Variants in PI4KA observed in about 807,000 individuals in gnomAD.
The protein encoded by PI4KA is PI4-kinase alpha.
Under a neutral mutation model 271.4 loss-of-function variants are expected in PI4KA, and 122 were observed. The ratio of observed to expected loss-of-function variants is 0.45; its 90% CI spans 0.39 to 0.52. PI4KA has a LOEUF of 0.52. Among genes scored for constraint, PI4KA ranks in the 20% least tolerant of loss-of-function variants. The probability of loss-of-function intolerance (pLI) is 0.00; values close to 1 mark genes in which losing one functional copy is unlikely to be tolerated. For synonymous variants in PI4KA, 1,041 were observed against 1,078.8 expected (o/e 0.96, Z 0.69); for missense variants, 1,969 against 2,769.1 (o/e 0.71, Z 6.48).
At chr22:20,728,639 A>T (rs1927646610) in intron 39 of PI4KA, among the ~76,000 whole-genome samples, 1 of 152,208 alleles carries the variant, frequency 6.6e-6, no homozygotes, top group Non-Finnish European at 1.5e-5. Flanking sequence ...ATGTCCCATG[A>T]GCACTGTGCT....
chr22:20,784,120 G>A (rs1934014957), intron 19 of PI4KA: 3 of 1,614,188 alleles, frequency 1.9e-6, no homozygotes, highest in African/African-American at 2.7e-5. Context: ...ACATCCTCCA[G>A]CTGGAATACG....
At chr22:20,812,561 G>C (rs1221798015) in intron 8 of PI4KA, among the ~76,000 whole-genome samples, 1 of 152,004 alleles carries the variant, frequency 6.6e-6, no homozygotes, top group African/African-American at 2.4e-5. Context: ...TCTTTATTTT[G>C]TAATTTTTTT....
chr22:20,842,261 T>G (rs1296479501), intron 1 of PI4KA, among the ~76,000 whole-genome samples: 1 of 151,800 alleles, frequency 6.6e-6, no homozygotes, highest in Non-Finnish European at 1.5e-5. Flanking sequence ...TGAAAAAGGC[T>G]TGGAAATGAG....
chr22:20,854,722 G>C (rs938798902), intron 1 of PI4KA, among the ~76,000 whole-genome samples: 6 of 151,818 alleles, frequency 4.0e-5, no homozygotes, highest in African/African-American at 1.5e-4. Context: ...AGAAAGAAGA[G>C]AAAAAAATAG....
intron 36 of PI4KA, among the ~76,000 whole-genome samples, chr22:20,732,559 A>G (rs1011308574): frequency 1.3e-5 from 2 of 152,194 alleles, no homozygotes; most frequent in African/African-American, 4.8e-5. Context: ...GTCCCCGAGG[A>G]GTGCTCCCAT....
At chr22:20,761,744 C>A (rs1043943839) in intron 22 of PI4KA, among the ~76,000 whole-genome samples, 21 of 151,774 alleles carry the variant, frequency 1.4e-4, no homozygotes, top group Non-Finnish European at 2.6e-4. Context: ...AGCCACCAAA[C>A]GAGAGGCAGC....
intron 23 of PI4KA, among the ~76,000 whole-genome samples, chr22:20,754,544 A>ATG (rs1931063836): frequency 6.6e-6 from 1 of 152,250 alleles, no homozygotes; most frequent in Admixed American, 6.5e-5. Context: ...TGCAGAGATC[A>ATG]TGTCTTTTAA....
chr22:20,749,766 A>C, intron 28 of PI4KA, 139 bp downstream of exon 28: 1 of 637,898 alleles, frequency 1.6e-6, no homozygotes, highest in Non-Finnish European at 2.9e-6. Context: ...GGCATCTATT[A>C]TTCTCAGGCC....
intron 14 of PI4KA, 143 bp downstream of exon 14, chr22:20,801,830 G>A: frequency 1.2e-6 from 1 of 842,130 alleles, no homozygotes; most frequent in East Asian, 2.8e-5. Flanking sequence ...AGGTAGCAGT[G>A]AGCCGAGATT....
chr22:20,750,501 A>G (rs139606683), intron 27 of PI4KA, among the ~76,000 whole-genome samples: 1 of 152,240 alleles, frequency 6.6e-6, no homozygotes, highest in East Asian at 1.9e-4. Context: ...TTGAACCTCA[A>G]GGCCCCTGGG....
chr22:20,836,242 C>T (rs897767801), intron 2 of PI4KA, among the ~76,000 whole-genome samples: 1 of 152,110 alleles, frequency 6.6e-6, no homozygotes, highest in Non-Finnish European at 1.5e-5. Flanking sequence ...CCAACCGATG[C>T]TAAATGGAGT....
chr22:20,784,210 G>A (rs760039983), intron 19 of PI4KA: 11 of 1,614,156 alleles, frequency 6.8e-6, no homozygotes, highest in Non-Finnish European at 9.3e-6. Flanking sequence ...TGACACCCCG[G>A]GTGGTGGAGA....
chr22:20,811,506 TA>T, intron 8 of PI4KA, among the ~76,000 whole-genome samples: 1 of 150,776 alleles, frequency 6.6e-6, no homozygotes, highest in Non-Finnish European at 1.5e-5. Flanking sequence ...GTACTCAAAC[TA>T]GAGCTCATAT....
chr22:20,850,559 T>C (rs549617707), intron 1 of PI4KA, among the ~76,000 whole-genome samples: 7 of 152,036 alleles, frequency 4.6e-5, no homozygotes, highest in African/African-American at 1.7e-4. Flanking sequence ...TTCTCCTGCC[T>C]CAGCCTCCCC....
At chr22:20,740,281 CA>C (rs371337348) in intron 32 of PI4KA, among the ~76,000 whole-genome samples, 3 of 148,904 alleles carry the variant, frequency 2.0e-5, no homozygotes, top group African/African-American at 7.4e-5. Flanking sequence ...AAAAATTAAC[CA>C]AATGAAAGAG....
intron 7 of PI4KA, among the ~76,000 whole-genome samples, chr22:20,817,188 CA>C (rs1244863073): frequency 6.6e-6 from 1 of 152,094 alleles, no homozygotes; most frequent in Non-Finnish European, 1.5e-5. Flanking sequence ...CTTTTTCCTT[CA>C]AAATTCCCCT....
intron 23 of PI4KA, among the ~76,000 whole-genome samples, chr22:20,760,592 C>G (rs147333355): frequency 6.6e-6 from 1 of 152,188 alleles, no homozygotes; most frequent in Non-Finnish European, 1.5e-5. Context: ...TACACACTCA[C>G]GGGACCACTA....
At chr22:20,771,017 C>T (rs1932849250) in intron 19 of PI4KA, among the ~76,000 whole-genome samples, 1 of 151,970 alleles carries the variant, frequency 6.6e-6, no homozygotes, top group African/African-American at 2.4e-5. Flanking sequence ...CCGCTTTTTT[C>T]TAACTAAAAA....
Position 20,787,363 on chromosome 22 carries a change from G to A in PI4KA, c.2328+5830C>T, listed in dbSNP as rs1934332388. 1.4e-5 allele frequency: 6 copies of A among 428,080 alleles called. No homozygotes were observed. The East Asian group carries it at 2.6e-4, about 18-fold the overall frequency. 26.5% of individuals were successfully genotyped at this position (428,080 alleles called of 1,614,324 possible). A position where few individuals can be genotyped will look rare whatever the true frequency, so the allele number is the denominator to read the frequency against. On this transcript the variant is annotated intron_variant, in intron 19 of 54. Transcript: ENST00000255882. ...AGCAAACCTGAGCAGCGCGTCCTAA[G>A]CACCTCCCGCTCCGGTGACCCCATC...
Sources: gnomAD v4.1 joint callset for allele counts (sites outside exome capture counted in the v4.1 genomes callset) on GRCh38, gnomAD v4.1.1 for gene constraint, MANE v1.5 for transcripts, NCBI Gene and HGNC (gene_info 2026-07-23, HGNC 2026-07-21) for gene names.